Variants in L3MBTL4 observed in about 807,000 individuals in gnomAD.
The protein encoded by L3MBTL4 is lethal(3)malignant brain tumor-like protein 4.
In L3MBTL4, 70 loss-of-function variants were observed where a neutral mutation model predicts 84.5. The ratio of observed to expected loss-of-function variants is 0.83; its 90% CI spans 0.68 to 1.01. The LOEUF is 1.01. L3MBTL4 is among the 50% of genes least tolerant of loss of function. The pLI is 0.00. For synonymous variants in L3MBTL4, 274 were observed against 259.8 expected, an observed-to-expected ratio of 1.05 and a Z score of -0.52; for missense variants, 715 against 754.8, an observed-to-expected ratio of 0.95 and a Z score of 0.62.
chr18:6,251,647 T>TGGG, intron 5 of L3MBTL4, among the ~76,000 whole-genome samples: 1 of 152,206 alleles, frequency 6.6e-6, no homozygotes, highest in Non-Finnish European at 1.5e-5. Context: ...AGCATCACCA[T>TGGG]CCCCCTTGCT....
chr18:6,116,799 C>G (rs917095974), intron 14 of L3MBTL4, among the ~76,000 whole-genome samples: 4 of 152,164 alleles, frequency 2.6e-5, no homozygotes, highest in African/African-American at 9.7e-5. Flanking sequence ...AATTATAAAG[C>G]AAATACCTGT....
rs73938744 is a variant in L3MBTL4 at position 6,115,419 on chromosome 18, C to T, written c.1200-21891G>A. Among the ~76,000 whole-genome samples the T allele has an allele frequency of 8.1e-3, 1,234 of 152,222 alleles. 15 individuals are homozygous for T. The highest frequency in any genetic ancestry group is 0.027 in the African/African-American group (1,128 of 41,552). ...TTGACAAGACTGGATGATTCACCAT[C>T]GGGGTAAGAGAGGGAATGGGTTAAT... On this transcript the variant is annotated intron_variant, in intron 14 of 18. Transcript: ENST00000317931.
intron 1 of L3MBTL4, among the ~76,000 whole-genome samples, chr18:6,403,202 C>T (rs2055583288): frequency 6.6e-6 from 1 of 152,248 alleles, no homozygotes; most frequent in South Asian, 2.1e-4. Context: ...CTTAAGCCTA[C>T]TTCCATTTTA....
At chr18:6,356,444 T>C (rs948975825) in intron 1 of L3MBTL4, among the ~76,000 whole-genome samples, 6 of 152,238 alleles carry the variant, frequency 3.9e-5, no homozygotes, top group Admixed American at 1.3e-4. Flanking sequence ...CATGTGTCAC[T>C]TAACAACAGG....
intron 16 of L3MBTL4, among the ~76,000 whole-genome samples, chr18:5,997,881 C>T (rs1281854017): frequency 1.3e-5 from 2 of 152,064 alleles, no homozygotes; most frequent in African/African-American, 4.8e-5. Flanking sequence ...TATTACTCCA[C>T]CTTATATCAG....
intron 10 of L3MBTL4, among the ~76,000 whole-genome samples, chr18:6,232,706 C>A (rs978343191): frequency 1.3e-5 from 2 of 151,936 alleles, no homozygotes; most frequent in African/African-American, 4.8e-5. Flanking sequence ...CAGTTTTATT[C>A]ATTTTATTTT....
At chr18:6,366,510 G>T (rs2053940944) in intron 1 of L3MBTL4, among the ~76,000 whole-genome samples, 1 of 152,196 alleles carries the variant, frequency 6.6e-6, no homozygotes, top group Non-Finnish European at 1.5e-5. Context: ...TTATCTAGGA[G>T]TAGTTCTTTC....
At chr18:6,071,804 A>AG (rs1568067030) in intron 16 of L3MBTL4, among the ~76,000 whole-genome samples, 18 of 101,518 alleles carry the variant, frequency 1.8e-4, no homozygotes, top group African/African-American at 6.8e-4. Flanking sequence ...AAAGAAAGAA[A>AG]AAGAAAGAAA....
chr18:5,991,262 G>A (rs1363675771), intron 16 of L3MBTL4, among the ~76,000 whole-genome samples: 1 of 152,146 alleles, frequency 6.6e-6, no homozygotes, highest in East Asian at 1.9e-4. Flanking sequence ...TCCTATCACA[G>A]TCAGTACTTA....
chr18:6,278,786 T>C (rs1332007789), intron 4 of L3MBTL4, among the ~76,000 whole-genome samples: 1 of 152,094 alleles, frequency 6.6e-6, no homozygotes, highest in Non-Finnish European at 1.5e-5. Flanking sequence ...TTTAGTTTGC[T>C]AGGAAATCAC....
intron 16 of L3MBTL4, among the ~76,000 whole-genome samples, chr18:5,982,016 A>G (rs1006782139): frequency 2.8e-5 from 1 of 35,608 alleles, no homozygotes; most frequent in Admixed American, 3.4e-4. Flanking sequence ...GTGTTTTGGG[A>G]AAAAAAAGGA....
At chr18:6,159,087 G>A (rs1166614611) in intron 13 of L3MBTL4, among the ~76,000 whole-genome samples, 2 of 152,190 alleles carry the variant, frequency 1.3e-5, no homozygotes, top group Non-Finnish European at 2.9e-5. Context: ...ATGAGGCTAT[G>A]CTGCAATGTC....
intron 4 of L3MBTL4, among the ~76,000 whole-genome samples, chr18:6,279,046 G>A (rs1456803386): frequency 6.6e-6 from 1 of 152,078 alleles, no homozygotes; most frequent in Non-Finnish European, 1.5e-5. Flanking sequence ...TGATAAGGAT[G>A]AAGGACAGCC....
intron 13 of L3MBTL4, among the ~76,000 whole-genome samples, chr18:6,167,230 C>G (rs945540694): frequency 1.3e-5 from 2 of 152,190 alleles, no homozygotes; most frequent in Non-Finnish European, 2.9e-5. Context: ...GGATTCACAG[C>G]TGAATTCTAC....
In L3MBTL4 at chr18:6,384,420, C is replaced by T. The variant is rs995833802; in HGVS notation, c.-91+30381G>A. On this transcript the variant is annotated intron_variant, in intron 1 of 18. Transcript: ENST00000317931. ...ACAAAGTGGTACTAATGGCTGTCTT[C>T]AGGGAGAGTAACGGGGTAGCCAGAG... is the stretch of plus-strand genomic sequence containing the variant. 1.9e-3 allele frequency among the ~76,000 whole-genome samples: 283 copies of T among 152,224 alleles called. 1 individual carries two copies. Among genetic ancestry groups the T allele is most frequent in the Non-Finnish European group, 2.3e-3 (156 of 68,006 alleles).
At chr18:6,063,002 T>C (rs1477831124) in intron 16 of L3MBTL4, among the ~76,000 whole-genome samples, 1 of 151,840 alleles carries the variant, frequency 6.6e-6, no homozygotes, top group Non-Finnish European at 1.5e-5. Flanking sequence ...CCTTCCTCCC[T>C]GAGTCCCCAG....
chr18:6,073,676 G>A (rs961389445), intron 16 of L3MBTL4, among the ~76,000 whole-genome samples: 4 of 152,144 alleles, frequency 2.6e-5, no homozygotes, highest in Non-Finnish European at 5.9e-5. Context: ...TAAAATTGAC[G>A]ATGCAAGCTG....
chr18:6,106,738 A>G (rs1397862553), intron 14 of L3MBTL4, among the ~76,000 whole-genome samples: 1 of 152,244 alleles, frequency 6.6e-6, no homozygotes, highest in East Asian at 1.9e-4. Context: ...TACCCAGTCA[A>G]ATACAACATT....
chr18:5,974,245 G>C (rs971028120), intron 16 of L3MBTL4, among the ~76,000 whole-genome samples: 3 of 152,204 alleles, frequency 2.0e-5, no homozygotes, highest in African/African-American at 7.2e-5. Flanking sequence ...CAGATATACT[G>C]TACCCTCAAG....
Sources: allele counts gnomAD v4.1 joint callset (sites outside exome capture counted in the v4.1 genomes callset), GRCh38; gene constraint gnomAD v4.1.1; transcripts MANE v1.5; gene names NCBI Gene and HGNC (gene_info 2026-07-23, HGNC 2026-07-21).